Variants in INSL6 observed in about 807,000 individuals in gnomAD.
The protein encoded by INSL6 is insulin-like peptide INSL6.
Under a neutral mutation model 9.4 loss-of-function variants are expected in INSL6, and 16 were observed. That is an observed-to-expected ratio of 1.70 (90% confidence interval 1.15 to 2.59). INSL6 has a LOEUF of 2.59. INSL6 is among the 30% of genes most tolerant of loss of function. The probability of loss-of-function intolerance (pLI) is 0.00; values close to 1 mark genes in which losing one functional copy is unlikely to be tolerated. For synonymous variants in INSL6, 154 were observed against 96.9 expected (o/e 1.59, Z -3.46); for missense variants, 391 against 257.3 (o/e 1.52, Z -3.56).
chr9:5,112,167 C>T, the INSL6 span: 6 of 273,988 alleles, frequency 2.2e-5, no homozygotes, highest in East Asian at 5.8e-4. Context: ...CGCTGCTACC[C>T]GGCCACCGGG....
the INSL6 span, chr9:5,094,923 A>G: frequency 6.6e-6 from 1 of 152,110 alleles, no homozygotes; most frequent in Non-Finnish European, 1.5e-5. Context: ...CAACCAACTC[A>G]TATACCTTTT....
At chr9:5,106,981 G>A in the INSL6 span, among the ~76,000 whole-genome samples, 2 of 152,132 alleles carry the variant, frequency 1.3e-5, no homozygotes, top group Non-Finnish European at 1.5e-5. Context: ...GTATATCTAT[G>A]TAACAAACCT....
At chr9:5,075,862 T>A in the INSL6 span, among the ~76,000 whole-genome samples, 8 of 152,108 alleles carry the variant, frequency 5.3e-5, no homozygotes, top group Admixed American at 3.3e-4. Context: ...GTAGAAAAAC[T>A]TATGGAAAGG....
intron 3 of INSL6, among the ~76,000 whole-genome samples, chr9:5,124,544 A>C (rs541174037): frequency 1.3e-5 from 2 of 151,914 alleles, no homozygotes; most frequent in East Asian, 3.9e-4. Context: ...TGTTCACAGA[A>C]TTAGAAAAAA....
chr9:5,179,011 G>A (rs575313561), intron 1 of INSL6, among the ~76,000 whole-genome samples: 222 of 149,540 alleles, frequency 1.5e-3, no homozygotes, highest in Non-Finnish European at 2.5e-3. Flanking sequence ...ACTGACAAAC[G>A]GGATTTAATT....
the INSL6 span, among the ~76,000 whole-genome samples, chr9:5,105,289 T>A: frequency 6.6e-6 from 1 of 152,152 alleles, no homozygotes; most frequent in African/African-American, 2.4e-5. Context: ...AGCCAAATCA[T>A]GAGTGAACTA....
intron 1 of INSL6, among the ~76,000 whole-genome samples, chr9:5,166,301 A>G (rs1466004567): frequency 6.6e-6 from 1 of 152,080 alleles, no homozygotes; most frequent in Admixed American, 6.6e-5. Context: ...GTTTGTTTTT[A>G]TAATAACTAC....
chr9:5,058,858 A>C, the INSL6 span, among the ~76,000 whole-genome samples: 3 of 152,162 alleles, frequency 2.0e-5, no homozygotes, highest in Non-Finnish European at 4.4e-5. Flanking sequence ...TATATATTCA[A>C]GTCCTTTGCT....
At chr9:4,993,940 G>C in the INSL6 span, among the ~76,000 whole-genome samples, 2 of 152,188 alleles carry the variant, frequency 1.3e-5, no homozygotes, top group Non-Finnish European at 2.9e-5. Flanking sequence ...AATGGTCTCA[G>C]ACTGAGTGAT....
chr9:5,007,153 T>G, the INSL6 span, among the ~76,000 whole-genome samples: 1 of 152,150 alleles, frequency 6.6e-6, no homozygotes, highest in Non-Finnish European at 1.5e-5. Flanking sequence ...ATTTTTATGG[T>G]TTTTGGCTTA....
chr9:5,045,080 T>C, the INSL6 span, among the ~76,000 whole-genome samples: 1 of 152,246 alleles, frequency 6.6e-6, no homozygotes, highest in Non-Finnish European at 1.5e-5. Context: ...TATTTCATAA[T>C]GCTTTCTTCT....
chr9:5,059,093 C>T, the INSL6 span, among the ~76,000 whole-genome samples: 1 of 152,118 alleles, frequency 6.6e-6, no homozygotes, highest in Non-Finnish European at 1.5e-5. Flanking sequence ...AACATGAACC[C>T]AGTAAAGCAC....
At chr9:5,033,967 C>A in the INSL6 span, among the ~76,000 whole-genome samples, 3 of 152,200 alleles carry the variant, frequency 2.0e-5, no homozygotes, top group South Asian at 6.2e-4. Flanking sequence ...AGAGTCAAGA[C>A]CCATCAGTGT....
chr9:5,168,236 G>A (rs1015215359), intron 1 of INSL6, among the ~76,000 whole-genome samples: 11 of 152,190 alleles, frequency 7.2e-5, no homozygotes, highest in African/African-American at 2.7e-4. Context: ...TAGATAAATT[G>A]ACAGAAGTAA....
At chr9:5,084,898 T>C in the INSL6 span, 3 of 444,308 alleles carry the variant, frequency 6.8e-6, no homozygotes, top group African/African-American at 2.0e-5. Flanking sequence ...TCTTTTAAAA[T>C]GATTTTTGGT....
At chr9:5,162,458 G>A (rs1424755393), downstream of INSL6, among the ~76,000 whole-genome samples, 1 of 152,166 alleles carries the variant, frequency 6.6e-6, no homozygotes, top group Admixed American at 6.5e-5. Flanking sequence ...TTTGTTGTGT[G>A]TATATAAGTA....
the INSL6 span, chr9:5,069,970 T>C: frequency 6.2e-7 from 1 of 1,608,318 alleles, no homozygotes; most frequent in Non-Finnish European, 8.5e-7. Flanking sequence ...GTTTCTGATG[T>C]ACCAACCTCA....
At chr9:5,094,267 C>A in the INSL6 span, 1 of 152,210 alleles carries the variant, frequency 6.6e-6, no homozygotes, top group African/African-American at 2.4e-5. Flanking sequence ...CGACCCTCAA[C>A]GTCTACTGTT....
the INSL6 span, among the ~76,000 whole-genome samples, chr9:5,011,449 C>G: frequency 6.6e-6 from 1 of 152,170 alleles, no homozygotes; most frequent in African/African-American, 2.4e-5. Context: ...CTTGGCCTCC[C>G]AAAATGTTGG....
Sources: allele counts gnomAD v4.1 joint callset (sites outside exome capture counted in the v4.1 genomes callset), GRCh38; gene constraint gnomAD v4.1.1; transcripts MANE v1.5; gene names NCBI Gene and HGNC (gene_info 2026-07-23, HGNC 2026-07-21).